ADAM23: variants seen among roughly 807,000 people sequenced by gnomAD.
The protein encoded by ADAM23 is disintegrin and metalloproteinase domain-containing protein 23.
A neutral mutation model predicts 120.1 loss-of-function variants in ADAM23; 33 were observed. The observed-to-expected ratio is 0.27, with a 90% CI of 0.21 to 0.37. The LOEUF (loss-of-function observed/expected upper bound fraction) is 0.37. Among genes scored for constraint, ADAM23 ranks in the 10% least tolerant of loss-of-function variants. The pLI is 1.00. For synonymous variants in ADAM23, 367 were observed against 375.2 expected (o/e 0.98, Z 0.25); for missense variants, 862 against 1,058.2 (o/e 0.81, Z 2.57).
At chr2:206,536,125 G>A (rs1029689663) in intron 4 of ADAM23, among the ~76,000 whole-genome samples, 1 of 152,086 alleles carries the variant, frequency 6.6e-6, no homozygotes, top group Non-Finnish European at 1.5e-5. Context: ...AAACAAATAT[G>A]GTTTTACTGT....
intron 3 of ADAM23, among the ~76,000 whole-genome samples, chr2:206,513,477 G>A (rs1334628629): frequency 1.3e-5 from 2 of 152,160 alleles, no homozygotes; most frequent in Non-Finnish European, 2.9e-5. Flanking sequence ...AGAGAGAGAT[G>A]AAAAAGCTGC....
At chr2:206,571,021 A>G (rs1228770614) in intron 16 of ADAM23, among the ~76,000 whole-genome samples, 1 of 152,242 alleles carries the variant, frequency 6.6e-6, no homozygotes, top group Non-Finnish European at 1.5e-5. Flanking sequence ...TTCTAATTAA[A>G]TTCCCTACCT....
chr2:206,524,221 C>A (rs1344167455), intron 3 of ADAM23, among the ~76,000 whole-genome samples: 2 of 152,178 alleles, frequency 1.3e-5, no homozygotes, highest in African/African-American at 2.4e-5. Flanking sequence ...CCAATTTGAA[C>A]ACATATGGAA....
chr2:206,587,441 T>C, intron 19 of ADAM23, 66 bp downstream of exon 19: 1 of 1,263,536 alleles, frequency 7.9e-7, no homozygotes, highest in Non-Finnish European at 1.1e-6. Flanking sequence ...TTTTTTCCTT[T>C]TTTGATAAAT....
chr2:206,576,259 C>CATATATGG (rs1445543570), intron 18 of ADAM23, among the ~76,000 whole-genome samples: 36 of 94,586 alleles, frequency 3.8e-4, no homozygotes, highest in African/African-American at 1.5e-3. Context: ...TTATGTTTAC[C>CATATATGG]ATATATGGTT....
chr2:206,564,072 A>G (rs1697827181), intron 13 of ADAM23, among the ~76,000 whole-genome samples: 1 of 151,992 alleles, frequency 6.6e-6, no homozygotes, highest in African/African-American at 2.4e-5. Flanking sequence ...TTAGGTAGCT[A>G]TTTCATTGGT....
intron 2 of ADAM23, among the ~76,000 whole-genome samples, chr2:206,464,427 T>G (rs914913542): frequency 6.6e-6 from 1 of 151,858 alleles, no homozygotes; most frequent in African/African-American, 2.4e-5. Flanking sequence ...ATACAAAAAT[T>G]AGCCGGGCGT....
intron 18 of ADAM23, among the ~76,000 whole-genome samples, chr2:206,584,206 T>C (rs1001734421): frequency 1.3e-5 from 2 of 152,208 alleles, no homozygotes; most frequent in Non-Finnish European, 2.9e-5. Context: ...TTCTGTTATG[T>C]GAACTGTCTG....
intron 2 of ADAM23, among the ~76,000 whole-genome samples, chr2:206,458,583 C>T (rs556199660): frequency 6.6e-6 from 1 of 152,318 alleles, no homozygotes; most frequent in South Asian, 2.1e-4. Context: ...AAACCTTTGC[C>T]TATAATCAGG....
intron 25 of ADAM23, among the ~76,000 whole-genome samples, chr2:206,616,659 G>A (rs933529305): frequency 1.1e-4 from 16 of 151,992 alleles, no homozygotes; most frequent in African/African-American, 3.6e-4. Flanking sequence ...GCCCTCAGTC[G>A]GTGGGCAGGG....
intron 20 of ADAM23, among the ~76,000 whole-genome samples, chr2:206,589,000 C>G (rs186609980): frequency 1.3e-5 from 2 of 152,280 alleles, no homozygotes; most frequent in Non-Finnish European, 2.9e-5. Context: ...ATAATTATCT[C>G]CTAATATTGA....
chr2:206,537,804 C>A (rs769528279), intron 4 of ADAM23, among the ~76,000 whole-genome samples: 1 of 151,980 alleles, frequency 6.6e-6, no homozygotes, highest in Admixed American at 6.6e-5. Flanking sequence ...GAATTAATAG[C>A]CAGTTTTTTA....
intron 21 of ADAM23, among the ~76,000 whole-genome samples, chr2:206,591,750 TAA>T (rs1698430275): frequency 6.6e-6 from 1 of 152,232 alleles, no homozygotes; most frequent in Non-Finnish European, 1.5e-5. Flanking sequence ...GCTGAACTAG[TAA>T]ATTCTACCAT....
chr2:206,491,817 A>T (rs182613114), intron 3 of ADAM23, among the ~76,000 whole-genome samples: 26 of 152,294 alleles, frequency 1.7e-4, no homozygotes, highest in Admixed American at 1.2e-3. Flanking sequence ...TTGACGCCTG[A>T]TGTAGTAGGG....
In ADAM23 at chr2:206,539,383, G is replaced by A. The variant is rs574663413; in HGVS notation, c.574-2669G>A. ...GGTTGTCCCTGCTGCCATTTGCCAC[G>A]TCACAGGTCTGTGACCCACTCCTAG... On this transcript the variant is annotated intron_variant, in intron 4 of 25. Coordinates refer to ENST00000264377, the MANE Select transcript of ADAM23 (RefSeq NM_003812.4). 7.2e-5 allele frequency among the ~76,000 whole-genome samples: 11 copies of A among 152,302 alleles called. No individual in the cohort carries two copies. The South Asian group carries it at 2.1e-3, about 29-fold the overall frequency.
Position 206,592,686 on chromosome 2 carries a change from T to C in ADAM23, c.2028T>C (p.Gly676=), listed in dbSNP as rs773603596. 2.4e-5 allele frequency: 38 copies of C among 1,613,806 alleles called. 1 individual carries two copies. The highest frequency in any genetic ancestry group is 3.3e-4 in the Middle Eastern group (2 of 6,084). ...CTCCACGTATTGGTCAACTTCAGGGTGAGATCATTCCAACTTCCTTCTACC... is the reference window on the plus strand; with the variant it reads ...CTCCACGTATTGGTCAACTTCAGGGCGAGATCATTCCAACTTCCTTCTACC... ...TRAPRIGQLQ[G]EIIPTSFYHQ... The change falls in exon 22 of 26, where the codon GGT becomes GGC. Residue 676 remains glycine (G), a synonymous_variant. Coordinates refer to ENST00000264377, the MANE Select transcript of ADAM23 (RefSeq NM_003812.4).
chr2:206,549,230 T>G (rs1411512921), intron 8 of ADAM23, among the ~76,000 whole-genome samples: 2 of 151,490 alleles, frequency 1.3e-5, no homozygotes, highest in African/African-American at 4.8e-5. Flanking sequence ...TTTCCTCCCT[T>G]TTATGAAACT....
chr2:206,573,077 T>TAATATATAATATATTCA (rs1698037231), intron 17 of ADAM23, 38 bp from the exon 18 acceptor site: 1 of 1,590,792 alleles, frequency 6.3e-7, no homozygotes, highest in South Asian at 1.1e-5. Flanking sequence ...TGAAATATTA[T>TAATATATAATATATTCA]GTAATGCTAA....
chr2:206,508,267 C>T (rs1242242586), intron 3 of ADAM23, among the ~76,000 whole-genome samples: 2 of 152,148 alleles, frequency 1.3e-5, no homozygotes, highest in African/African-American at 4.8e-5. Flanking sequence ...ACCTCGTGAT[C>T]CGCCCACCTT....
Sources: gnomAD v4.1 joint callset for allele counts (sites outside exome capture counted in the v4.1 genomes callset) on GRCh38, gnomAD v4.1.1 for gene constraint, MANE v1.5 for transcripts, NCBI Gene and HGNC (gene_info 2026-07-23, HGNC 2026-07-21) for gene names.